NAALADL2: variants seen among roughly 807,000 people sequenced by gnomAD.
NAALADL2 encodes inactive N-acetylated-alpha-linked acidic dipeptidase-like protein 2.
Under a neutral mutation model 87.2 loss-of-function variants are expected in NAALADL2, and 76 were observed. The observed-to-expected ratio is 0.87, with a 90% CI of 0.72 to 1.05. The LOEUF (loss-of-function observed/expected upper bound fraction) is 1.05. Ranked by LOEUF, NAALADL2 falls within the 50% of genes least tolerant of loss-of-function variation. The pLI, the probability that NAALADL2 is intolerant of heterozygous loss-of-function variation, is 0.00. For missense variants in NAALADL2, 1,089 were observed against 945.8 expected, an observed-to-expected ratio of 1.15 and a Z score of -1.99; for synonymous variants, 354 against 331.0, an observed-to-expected ratio of 1.07 and a Z score of -0.75.
chr3:174,844,002 G>A (rs1436737395), intron 3 of NAALADL2, among the ~76,000 whole-genome samples: 1 of 152,026 alleles, frequency 6.6e-6, no homozygotes, highest in Non-Finnish European at 1.5e-5. Flanking sequence ...CCTTTGCTAT[G>A]CAAAAGCTTT....
At chr3:175,526,292 A>G (rs1433550158) in intron 9 of NAALADL2, among the ~76,000 whole-genome samples, 1 of 152,210 alleles carries the variant, frequency 6.6e-6, no homozygotes, top group Admixed American at 6.5e-5. Context: ...GCTTTACAGT[A>G]TATTTTGGTG....
chr3:175,445,638 T>C (rs997461869), intron 5 of NAALADL2, among the ~76,000 whole-genome samples: 4 of 152,164 alleles, frequency 2.6e-5, no homozygotes, highest in African/African-American at 4.8e-5. Flanking sequence ...AAAAGGATCA[T>C]TTTTGTGTTA....
Position 175,136,308 on chromosome 3 carries a change from C to T in NAALADL2, c.545+39017C>T, listed in dbSNP as rs137882617. 2.8e-4 allele frequency among the ~76,000 whole-genome samples: 43 copies of T among 152,242 alleles called. 1 individual carries two copies. The East Asian group carries it at 7.2e-3, about 25-fold the overall frequency. On this transcript the variant is annotated intron_variant, in intron 2 of 13. Transcript: ENST00000454872. ...TTGAGGGAGGCAGGAAGCTCTAAAG[C>T]AGTTTATCACTGTTTCATGGATATT...
chr3:175,466,818 G>A (rs1230225192), intron 7 of NAALADL2, among the ~76,000 whole-genome samples, 161 bp from the exon 8 acceptor site: 1 of 150,736 alleles, frequency 6.6e-6, no homozygotes, highest in African/African-American at 2.5e-5. Context: ...ACACAGATGT[G>A]TGAATTAAGA....
intron 1 of NAALADL2, among the ~76,000 whole-genome samples, chr3:174,492,137 G>A (rs989885515): frequency 4.6e-5 from 7 of 152,004 alleles, no homozygotes; most frequent in Admixed American, 2.6e-4. Flanking sequence ...GGGTGTGGTG[G>A]CGGGTGCCTG....
At chr3:174,454,556 C>G (rs934804952) in intron 1 of NAALADL2, among the ~76,000 whole-genome samples, 1 of 152,096 alleles carries the variant, frequency 6.6e-6, no homozygotes, top group Non-Finnish European at 1.5e-5. Flanking sequence ...ACAACAGCAG[C>G]AGAAAATTAG....
intron 9 of NAALADL2, among the ~76,000 whole-genome samples, chr3:175,505,914 G>A (rs987091192): frequency 3.3e-5 from 5 of 152,108 alleles, no homozygotes; most frequent in African/African-American, 9.7e-5. Context: ...CCTCTTGAAC[G>A]GTGTTTCCTT....
intron 2 of NAALADL2, among the ~76,000 whole-genome samples, chr3:174,555,363 G>C (rs9866538): frequency 6.6e-6 from 1 of 151,972 alleles, no homozygotes; most frequent in African/African-American, 2.4e-5. Context: ...GCAATGGCGC[G>C]ATCTTGGCCC....
chr3:175,293,734 G>T (rs1322755685), intron 4 of NAALADL2, among the ~76,000 whole-genome samples: 1 of 152,186 alleles, frequency 6.6e-6, no homozygotes, highest in Non-Finnish European at 1.5e-5. Context: ...ACCTGAAAGT[G>T]AACCCTCATC....
At chr3:175,438,805 C>G (rs1719189076) in intron 5 of NAALADL2, among the ~76,000 whole-genome samples, 2 of 151,978 alleles carry the variant, frequency 1.3e-5, no homozygotes, top group South Asian at 4.1e-4. Context: ...AAAACAAAAC[C>G]AAGTGCTCTC....
At chr3:175,693,947 C>T (rs1475158178) in intron 11 of NAALADL2, among the ~76,000 whole-genome samples, 1 of 152,122 alleles carries the variant, frequency 6.6e-6, no homozygotes, top group Admixed American at 6.6e-5. Context: ...TCTGCCTTGG[C>T]CTCCCAAAGT....
Position 175,804,601 on chromosome 3 carries a change from C to CTCTA in NAALADL2, c.*1403_*1406dup, listed in dbSNP as rs1468182167. The stretch of plus-strand genomic sequence containing the variant: ...CCTCAGAGTATTTCATATAAATTTT[C>CTCTA]TCTATCTAATTCAAACATATCTCCC... On this transcript the variant is annotated 3_prime_UTR_variant, in exon 14 of 14. Transcript: ENST00000454872. 12 of 151,886 alleles carry CTCTA rather than the reference C, an allele frequency of 7.9e-5. No homozygotes were observed. In the South Asian group the frequency reaches 2.3e-3, roughly 29 times the overall value. The allele number at this position is 151,886 out of a possible 1,614,324, so 9.4% of individuals were successfully genotyped here. A position where few individuals can be genotyped will look rare whatever the true frequency, so the allele number is the denominator to read the frequency against.
intron 1 of NAALADL2, among the ~76,000 whole-genome samples, chr3:174,882,476 T>C (rs924530164): frequency 1.3e-5 from 2 of 150,876 alleles, no homozygotes; most frequent in Non-Finnish European, 3.0e-5. Context: ...CATATGTGTA[T>C]GCATACATAT....
At chr3:175,301,203 G>A (rs1432748593) in intron 4 of NAALADL2, among the ~76,000 whole-genome samples, 1 of 151,916 alleles carries the variant, frequency 6.6e-6, no homozygotes, top group African/African-American at 2.4e-5. Context: ...TCTCCTGTGG[G>A]CATTTAGTGC....
chr3:174,807,281 T>C (rs1719615845), intron 3 of NAALADL2, among the ~76,000 whole-genome samples: 1 of 151,898 alleles, frequency 6.6e-6, no homozygotes, highest in Non-Finnish European at 1.5e-5. Context: ...TTAACAAAAA[T>C]GTATACAGAA....
In NAALADL2 at chr3:174,441,784, C is replaced by T. The variant is rs1054046889; in HGVS notation, c.-184+752C>T. 3.7e-5 allele frequency among the ~76,000 whole-genome samples: 5 copies of T among 134,420 alleles called. No individual in the cohort carries two copies. The South Asian group carries it at 9.5e-4, about 26-fold the overall frequency. 88.2% of individuals were successfully genotyped at this position (134,420 alleles called of 152,430 possible). A position where few individuals can be genotyped will look rare whatever the true frequency, so the allele number is the denominator to read the frequency against. On this transcript the variant is annotated intron_variant, in intron 1 of 3. Transcript: ENST00000434257. ...GTCTCTTGGTGCCTTGTGTTCTTTT[C>T]CCCCTCACTTTTAGAATAGCAATTG...
At chr3:174,899,685 C>G (rs1289608103) in intron 1 of NAALADL2, among the ~76,000 whole-genome samples, 1 of 152,156 alleles carries the variant, frequency 6.6e-6, no homozygotes, top group East Asian at 1.9e-4. Context: ...ATACATTACC[C>G]AGCCATGGAT....
intron 1 of NAALADL2, among the ~76,000 whole-genome samples, chr3:174,987,057 G>C (rs975514068): frequency 1.2e-4 from 18 of 152,066 alleles, no homozygotes; most frequent in Non-Finnish European, 2.4e-4. Flanking sequence ...TGACCATTTG[G>C]CAGTGAGTGG....
At chr3:175,211,888 C>T (rs1022774500) in intron 2 of NAALADL2, among the ~76,000 whole-genome samples, 14 of 152,072 alleles carry the variant, frequency 9.2e-5, no homozygotes, top group African/African-American at 2.9e-4. Context: ...GATTAGTCCT[C>T]CCATTTTGTA....
Sources: gnomAD v4.1 joint callset for allele counts (sites outside exome capture counted in the v4.1 genomes callset) on GRCh38, gnomAD v4.1.1 for gene constraint, MANE v1.5 for transcripts, NCBI Gene and HGNC (gene_info 2026-07-23, HGNC 2026-07-21) for gene names.